The following ARHGAP26 variants were observed in gnomAD, a reference collection of about 807,000 sequenced individuals.
The protein encoded by ARHGAP26 is Rho GTPase activating protein 26, also known as rho GTPase-activating protein 26.
ARHGAP26 carries 38 observed loss-of-function variants against 104.8 expected under a neutral mutation model. That is an observed-to-expected ratio of 0.36 (90% confidence interval 0.28 to 0.48). The LOEUF (loss-of-function observed/expected upper bound fraction) is 0.48. Ranked by LOEUF, ARHGAP26 falls within the 20% of genes least tolerant of loss-of-function variation. ARHGAP26 has a pLI of 0.99. For synonymous variants in ARHGAP26, 341 were observed against 340.0 expected (o/e 1.00, Z -0.03); for missense variants, 704 against 947.9 (o/e 0.74, Z 3.38).
At chr5:142,959,746 G>A (rs1164828823) in intron 11 of ARHGAP26, among the ~76,000 whole-genome samples, 1 of 152,228 alleles carries the variant, frequency 6.6e-6, no homozygotes, top group Non-Finnish European at 1.5e-5. Context: ...AAGGTCTACT[G>A]ACTTGGGACT....
intron 12 of ARHGAP26, among the ~76,000 whole-genome samples, chr5:143,019,508 C>A (rs560214848): frequency 6.6e-6 from 1 of 152,260 alleles, no homozygotes; most frequent in Non-Finnish European, 1.5e-5. Flanking sequence ...AAAATTTACT[C>A]CCCAAAGACT....
At position 143,228,699 on chromosome 5, in the gene ARHGAP26, T is replaced by A. The variant is rs1393200776; in HGVS notation, c.*6253T>A. 1 of 206,504 alleles carries A rather than the reference T, an allele frequency of 4.8e-6. No individual in the cohort carries two copies. The highest frequency in any genetic ancestry group is 9.9e-6 in the Non-Finnish European group (1 of 100,928). The allele number at this position is 206,504 out of a possible 1,614,324, so 12.8% of individuals were successfully genotyped here. On this transcript the variant is annotated 3_prime_UTR_variant, in exon 23 of 23. Transcript: ENST00000645722. ...ACTTATTAAATGGCACTTTAATGTT[T>A]TCTTTTAAAATAACGCACTGTTCTA...
At chr5:142,945,256 G>A (rs965382192) in intron 11 of ARHGAP26, among the ~76,000 whole-genome samples, 9 of 152,216 alleles carry the variant, frequency 5.9e-5, no homozygotes, top group Non-Finnish European at 1.3e-4. Flanking sequence ...CCTGGCTGAC[G>A]TGTGTGCTCT....
In ARHGAP26 at chr5:142,879,397, C is replaced by T. The variant is rs2152383864; in HGVS notation, c.336C>T (p.Leu112=). 6.2e-7 allele frequency: 1 copy of T among 1,614,110 alleles called. No homozygotes were observed. Among genetic ancestry groups the T allele is most frequent in the Non-Finnish European group, 8.5e-7 (1 of 1,179,998 alleles). ...IRMIENASEV[L]ITPLEKFRKE... is the part of the protein sequence containing the mutation. The stretch of plus-strand genomic sequence containing the variant: ...AGATTGAGAATGCCAGCGAGGTGCT[C>T]ATCACTCCCTTGGAGAAGTTTCGAA... The change falls in exon 4 of 23, where the codon CTC becomes CTT. Residue 112 remains leucine (L), a synonymous_variant. Coordinates refer to ENST00000645722, the MANE Select transcript of ARHGAP26 (RefSeq NM_001135608.3).
chr5:142,921,009 T>C (rs1465162256), intron 10 of ARHGAP26, among the ~76,000 whole-genome samples: 2 of 152,230 alleles, frequency 1.3e-5, no homozygotes, highest in African/African-American at 4.8e-5. Flanking sequence ...AGTGGAGATA[T>C]AAAGTTTACA....
At chr5:142,964,184 A>T (rs189572096) in intron 11 of ARHGAP26, among the ~76,000 whole-genome samples, 20 of 152,252 alleles carry the variant, frequency 1.3e-4, no homozygotes, top group Non-Finnish European at 2.8e-4. Context: ...ACCCTGAAGG[A>T]TATAACAGTT....
chr5:142,930,572 A>G (rs1764567213), intron 10 of ARHGAP26, among the ~76,000 whole-genome samples: 1 of 151,804 alleles, frequency 6.6e-6, no homozygotes, highest in Non-Finnish European at 1.5e-5. Flanking sequence ...CTAGCTGCCC[A>G]CGCCTCCCAC....
At chr5:142,981,530 G>A (rs1773942170) in intron 11 of ARHGAP26, among the ~76,000 whole-genome samples, 1 of 152,164 alleles carries the variant, frequency 6.6e-6, no homozygotes, top group Non-Finnish European at 1.5e-5. Flanking sequence ...TCCTAAATCT[G>A]TAAAGTCTGC....
chr5:142,793,728 C>T (rs1297924562), intron 1 of ARHGAP26, among the ~76,000 whole-genome samples: 1 of 152,056 alleles, frequency 6.6e-6, no homozygotes, highest in Non-Finnish European at 1.5e-5. Context: ...GCTGGGATTA[C>T]AGATGTGCGC....
chr5:143,185,775 C>T (rs1199829472), intron 20 of ARHGAP26, among the ~76,000 whole-genome samples: 2 of 152,184 alleles, frequency 1.3e-5, no homozygotes, highest in African/African-American at 4.8e-5. Flanking sequence ...CTTTTACCCT[C>T]GTTTTCAAAA....
chr5:143,110,281 A>G (rs1280348665), intron 17 of ARHGAP26, among the ~76,000 whole-genome samples: 1 of 152,236 alleles, frequency 6.6e-6, no homozygotes, highest in Non-Finnish European at 1.5e-5. Flanking sequence ...AAACTGGAGG[A>G]GTCTGTCTTG....
chr5:143,140,217 G>A (rs1000289263), intron 19 of ARHGAP26, among the ~76,000 whole-genome samples: 4 of 152,188 alleles, frequency 2.6e-5, no homozygotes, highest in African/African-American at 9.7e-5. Context: ...GCTTGGGAAG[G>A]TGGGGACAGT....
At chr5:142,825,968 C>G (rs547716247) in intron 1 of ARHGAP26, among the ~76,000 whole-genome samples, 2 of 152,002 alleles carry the variant, frequency 1.3e-5, no homozygotes, top group Admixed American at 6.6e-5. Flanking sequence ...TTCTGGTGGC[C>G]GAGGAGAGAT....
intron 20 of ARHGAP26, among the ~76,000 whole-genome samples, chr5:143,167,518 A>AAAAAAAAAAG (rs1802165034): frequency 8.1e-6 from 1 of 123,676 alleles, no homozygotes; most frequent in African/African-American, 3.3e-5. Context: ...AAAAAAAAAA[A>AAAAAAAAAAG]GAAATCCATT....
intron 1 of ARHGAP26, chr5:142,866,890 A>C (rs1754381102): frequency 6.6e-6 from 1 of 152,190 alleles, no homozygotes; most frequent in Non-Finnish European, 1.5e-5. Context: ...CCAGATCTGA[A>C]AGAATGTGAG....
At chr5:143,184,509 C>T (rs1278036288) in intron 20 of ARHGAP26, among the ~76,000 whole-genome samples, 6 of 152,148 alleles carry the variant, frequency 3.9e-5, no homozygotes, top group Admixed American at 6.5e-5. Context: ...TATAAAAGCT[C>T]ATTCATTCCC....
At chr5:143,183,936 T>C (rs555426851) in intron 20 of ARHGAP26, among the ~76,000 whole-genome samples, 71 of 152,216 alleles carry the variant, frequency 4.7e-4, no homozygotes, top group Non-Finnish European at 8.5e-4. Flanking sequence ...TTTTTAAAGA[T>C]TGATGCTCCT....
chr5:142,870,624 C>T lies in ARHGAP26; in HGVS notation c.155-2776C>T, dbSNP rs146682997. ...GATTCATATATGAGGAAAGAATAGC[C>T]CAGCTATACCTAGAACTGAGTCTTG... is the stretch of plus-strand genomic sequence containing the variant. On this transcript the variant is annotated intron_variant, in intron 1 of 22. Transcript: ENST00000645722. 2.0e-4 allele frequency among the ~76,000 whole-genome samples: 31 copies of T among 152,254 alleles called. 1 individual carries two copies. Among genetic ancestry groups the T allele is most frequent in the African/African-American group, 7.2e-4 (30 of 41,564 alleles).
At chr5:143,138,097 G>A (rs995315526) in intron 19 of ARHGAP26, among the ~76,000 whole-genome samples, 3 of 152,166 alleles carry the variant, frequency 2.0e-5, no homozygotes, top group Non-Finnish European at 2.9e-5. Flanking sequence ...CCCTGCCTGC[G>A]ACTCTCTCTC....
Sources: allele counts gnomAD v4.1 joint callset (sites outside exome capture counted in the v4.1 genomes callset), GRCh38; gene constraint gnomAD v4.1.1; transcripts MANE v1.5; gene names NCBI Gene and HGNC (gene_info 2026-07-23, HGNC 2026-07-21).